CTNNA1: variants seen among roughly 807,000 people sequenced by gnomAD.
The protein encoded by CTNNA1 is catenin alpha 1.
A neutral mutation model predicts 98.4 loss-of-function variants in CTNNA1; 37 were observed. The observed-to-expected ratio is 0.38, with a 90% CI of 0.29 to 0.49. The LOEUF (loss-of-function observed/expected upper bound fraction) is 0.49, where lower values mean the gene tolerates loss of function less well. CTNNA1 is among the 20% of genes least tolerant of loss of function. CTNNA1 has a pLI of 0.95. For missense variants in CTNNA1, 761 were observed against 1,147.2 expected (o/e 0.66, Z 4.86); for synonymous variants, 404 against 413.2 (o/e 0.98, Z 0.27).
Position 138,874,790 on chromosome 5 carries a change from T to G in CTNNA1, c.1063-11422T>G. The G allele has an allele frequency of 9.5e-7, 1 of 1,058,146 alleles. No homozygotes were observed. Among genetic ancestry groups the G allele is most frequent in the Non-Finnish European group, 1.4e-6 (1 of 706,222 alleles). 65.5% of individuals were successfully genotyped at this position (1,058,146 alleles called of 1,614,324 possible). A position where few individuals can be genotyped will look rare whatever the true frequency, so the allele number is the denominator to read the frequency against. On this transcript the variant is annotated intron_variant, in intron 7 of 17. Transcript: ENST00000302763. The surrounding 1 kb of genome is among the most constrained non-coding windows in gnomAD (Gnocchi z 4.1). ...GTCATCATCGATATATGCTTTTACC[T>G]AAACCTCAAAATCCAAAATATGATG...
chr5:138,818,063 A>G (rs568314151), intron 5 of CTNNA1, among the ~76,000 whole-genome samples: 46 of 151,614 alleles, frequency 3.0e-4, no homozygotes, highest in Admixed American at 1.6e-3. Context: ...GGTGTGAGCC[A>G]CTGCATCTGG....
intron 1 of CTNNA1, among the ~76,000 whole-genome samples, chr5:138,776,524 A>G (rs929843419): frequency 6.6e-6 from 1 of 152,138 alleles, no homozygotes; most frequent in Admixed American, 6.5e-5. Flanking sequence ...CAAAACCGCC[A>G]TCGTCATCAT....
At position 138,874,954 on chromosome 5, in the gene CTNNA1, G is replaced by GACTCA; in HGVS notation, c.1063-11255_1063-11251dup. The GACTCA allele has an allele frequency of 6.2e-7, 1 of 1,611,958 alleles. No homozygotes were observed. ...AGGCTGCATTCAGTCGCGGTTGTTA[G>GACTCA]ACTCAACGCAGTGAGTCTGTAAAAG... On this transcript the variant is annotated intron_variant, in intron 7 of 17. Coordinates refer to ENST00000302763, the MANE Select transcript of CTNNA1 (RefSeq NM_001903.5). This position sits in a 1 kb window ranked among gnomAD's most constrained non-coding sequence, Gnocchi z 4.1.
At chr5:138,892,241 A>G (rs1254754108) in intron 9 of CTNNA1, among the ~76,000 whole-genome samples, 1 of 149,676 alleles carries the variant, frequency 6.7e-6, no homozygotes, top group East Asian at 2.0e-4. Flanking sequence ...TATCTCAGAT[A>G]TTTTGGGTTA....
chr5:138,927,491 T>C (rs1764345291), intron 13 of CTNNA1, among the ~76,000 whole-genome samples: 1 of 106,226 alleles, frequency 9.4e-6, no homozygotes, highest in Non-Finnish European at 1.9e-5. Context: ...TCCCCCTCCT[T>C]GAGAGCACCT....
chr5:138,912,543 T>C (rs891202730), intron 10 of CTNNA1, among the ~76,000 whole-genome samples: 7 of 152,200 alleles, frequency 4.6e-5, no homozygotes, highest in Admixed American at 6.5e-5. Flanking sequence ...CCATGAACAG[T>C]TGATAGCTAA....
intron 10 of CTNNA1, among the ~76,000 whole-genome samples, chr5:138,908,152 A>AT (rs563863334): frequency 1.3e-5 from 2 of 151,896 alleles, no homozygotes; most frequent in East Asian, 3.9e-4. Context: ...TAATTTTTGT[A>AT]TTTTTTAGTA....
chr5:138,772,236 T>C (rs565075500), intron 1 of CTNNA1, among the ~76,000 whole-genome samples: 1 of 152,362 alleles, frequency 6.6e-6, no homozygotes, highest in South Asian at 2.1e-4. Context: ...TAGCAAACTT[T>C]TGCTTTATAG....
chr5:138,898,165 C>A (rs948786200), intron 9 of CTNNA1, among the ~76,000 whole-genome samples: 1 of 145,432 alleles, frequency 6.9e-6, no homozygotes, highest in South Asian at 2.4e-4. Flanking sequence ...CCCACCCCCC[C>A]CCACCCCTTC....
chr5:138,824,399 CTAGATT>C (rs1760421946), intron 5 of CTNNA1, 125 bp from the exon 6 acceptor site: 1 of 1,021,948 alleles, frequency 9.8e-7, no homozygotes, highest in South Asian at 1.7e-5. Flanking sequence ...TGACTCTCAA[CTAGATT>C]GTTAATGAAA....
chr5:138,764,233 G>A (rs1412448391), intron 1 of CTNNA1, among the ~76,000 whole-genome samples: 1 of 151,192 alleles, frequency 6.6e-6, no homozygotes, highest in East Asian at 2.0e-4. Context: ...GGGCATGGTG[G>A]CACATGCCTG....
At chr5:138,845,861 TA>T (rs1360695236) in intron 7 of CTNNA1, among the ~76,000 whole-genome samples, 2 of 152,158 alleles carry the variant, frequency 1.3e-5, no homozygotes, top group Non-Finnish European at 2.9e-5. Flanking sequence ...GTTTAGCACT[TA>T]AATATTCACA....
chr5:138,779,541 A>G (rs1754803531), intron 1 of CTNNA1, among the ~76,000 whole-genome samples: 3 of 152,014 alleles, frequency 2.0e-5, no homozygotes, highest in African/African-American at 7.2e-5. Flanking sequence ...TTTTTAAAAA[A>G]AAAATAAGTA....
chr5:138,814,625 A>G (rs1404122177), intron 5 of CTNNA1, among the ~76,000 whole-genome samples: 10 of 152,384 alleles, frequency 6.6e-5, no homozygotes, highest in Admixed American at 5.9e-4. Flanking sequence ...TTTGGCAAAT[A>G]GTCCTACTGG....
chr5:138,861,692 G>C (rs989020976), intron 7 of CTNNA1, among the ~76,000 whole-genome samples: 2 of 152,114 alleles, frequency 1.3e-5, no homozygotes, highest in African/African-American at 2.4e-5. Flanking sequence ...AGTAAAAAGG[G>C]TACGTCTTAA....
intron 11 of CTNNA1, 50 bp from the exon 12 acceptor site, chr5:138,924,460 C>T (rs1045040943): frequency 6.3e-7 from 1 of 1,593,378 alleles, no homozygotes; most frequent in Non-Finnish European, 8.6e-7. Flanking sequence ...CAGTTGCCAC[C>T]TTTTCATAGA....
intron 5 of CTNNA1, among the ~76,000 whole-genome samples, chr5:138,821,754 A>T (rs1035960094): frequency 1.3e-5 from 2 of 152,190 alleles, no homozygotes; most frequent in Non-Finnish European, 2.9e-5. Context: ...TGCTTGAACC[A>T]TCACTGGGTT....
chr5:138,758,953 G>A (rs753036256), intron 1 of CTNNA1, among the ~76,000 whole-genome samples: 51 of 152,134 alleles, frequency 3.4e-4, no homozygotes, highest in African/African-American at 1.1e-3. Flanking sequence ...ACAGGCATGC[G>A]CCACCACACC....
At chr5:138,804,770 A>G (rs528548009) in intron 3 of CTNNA1, among the ~76,000 whole-genome samples, 4 of 152,280 alleles carry the variant, frequency 2.6e-5, no homozygotes, top group Non-Finnish European at 4.4e-5. Flanking sequence ...TTAGTTGTGT[A>G]GCTATGTATT....
Sources: allele counts gnomAD v4.1 joint callset (sites outside exome capture counted in the v4.1 genomes callset), GRCh38; gene constraint gnomAD v4.1.1; non-coding constraint Gnocchi (gnomAD v3.1); transcripts MANE v1.5; gene names NCBI Gene and HGNC (gene_info 2026-07-23, HGNC 2026-07-21).